TSPAN9: variants seen among roughly 807,000 people sequenced by gnomAD.
TSPAN9 encodes the protein tetraspanin 9.
A neutral mutation model predicts 31.0 loss-of-function variants in TSPAN9; 16 were observed. That is an observed-to-expected ratio of 0.52 (90% confidence interval 0.35 to 0.78). The LOEUF (loss-of-function observed/expected upper bound fraction) is 0.78, where lower values mean the gene tolerates loss of function less well. Among genes scored for constraint, TSPAN9 ranks in the 30% least tolerant of loss-of-function variants. The pLI, the probability that TSPAN9 is intolerant of heterozygous loss-of-function variation, is 0.01. For missense variants in TSPAN9, 272 were observed against 312.5 expected (o/e 0.87, Z 0.98); for synonymous variants, 145 against 121.6 (o/e 1.19, Z -1.27).
At chr12:3,110,361 A>T (rs2098317864) in intron 2 of TSPAN9, among the ~76,000 whole-genome samples, 1 of 152,160 alleles carries the variant, frequency 6.6e-6, no homozygotes, top group African/African-American at 2.4e-5. Context: ...TAATTTACAA[A>T]TTTTTTAAAG....
At position 3,146,538 on chromosome 12, in the gene TSPAN9, G is replaced by A. The variant is rs922132720; in HGVS notation, c.-17-54639G>A. ...TCATGGAATCCAAGATCCGATTGAT[G>A]AAGACAGGCATTAGACAAACAGTTC... On this transcript the variant is annotated intron_variant, in intron 2 of 8. Transcript: ENST00000011898. Among the ~76,000 whole-genome samples, 5 of 152,198 alleles carry A rather than the reference G, an allele frequency of 3.3e-5. No homozygotes were observed. In the East Asian group the frequency reaches 7.7e-4, roughly 23 times the overall value.
chr12:3,184,256 GGC>G (rs1359449539), intron 2 of TSPAN9, among the ~76,000 whole-genome samples: 10 of 152,044 alleles, frequency 6.6e-5, no homozygotes, highest in African/African-American at 2.4e-4. Flanking sequence ...AAATTAGCTG[GGC>G]GTGGTGGTGC....
chr12:3,116,531 A>C (rs1009051222), intron 2 of TSPAN9, among the ~76,000 whole-genome samples: 1 of 152,178 alleles, frequency 6.6e-6, no homozygotes, highest in East Asian at 1.9e-4. Flanking sequence ...GAGGTCACGC[A>C]GCTCGGCAGG....
chr12:3,079,866 G>C (rs1422612231), intron 1 of TSPAN9, among the ~76,000 whole-genome samples: 1 of 151,672 alleles, frequency 6.6e-6, no homozygotes, highest in Non-Finnish European at 1.5e-5. Context: ...CAACTCCTGG[G>C]CTCAAGTGAT....
Position 3,277,287 on chromosome 12 carries a change from G to A in TSPAN9, c.64-1134G>A, listed in dbSNP as rs555600075. 4.9e-4 allele frequency among the ~76,000 whole-genome samples: 75 copies of A among 152,264 alleles called. 1 individual carries two copies. Among genetic ancestry groups the A allele is most frequent in the African/African-American group, 1.6e-3 (66 of 41,534 alleles). On this transcript the variant is annotated intron_variant, in intron 3 of 8. Transcript: ENST00000011898. The stretch of plus-strand genomic sequence containing the variant: ...CTTTCACCCGGCATAGAATGTTCTC[G>A]TCCTCCATCTGCCCCTAGTCCACCC...
intron 3 of TSPAN9, among the ~76,000 whole-genome samples, chr12:3,228,782 A>C (rs1261227343): frequency 6.6e-6 from 1 of 152,190 alleles, no homozygotes; most frequent in Non-Finnish European, 1.5e-5. Context: ...GTGGCTGAAA[A>C]CAACAGAAGT....
rs1345299844 is a variant in TSPAN9 at position 3,285,264 on chromosome 12, T to TGTGGGTGGG, written c.*2158_*2166dup. On this transcript the variant is annotated 3_prime_UTR_variant, in exon 9 of 9. Transcript: ENST00000011898. Reference sequence around the variant, plus strand: ...ACCCGGGGCCTCGTGCGTTTTTTGCTGTGGGTGGGGTGGGTGGGTTGGTTT... The same window carrying TGTGGGTGGG: ...ACCCGGGGCCTCGTGCGTTTTTTGCTGTGGGTGGGGTGGGTGGGGTGGGTGGGTTGGTTT... 3.7e-5 allele frequency: 1 copy of TGTGGGTGGG among 26,728 alleles called. No homozygotes were observed. The highest frequency in any genetic ancestry group is 6.7e-5 in the Non-Finnish European group (1 of 14,958). The allele number at this position is 26,728 out of a possible 1,614,324, so 1.7% of individuals were successfully genotyped here.
At chr12:3,259,818 AC>A (rs1248530055) in intron 3 of TSPAN9, among the ~76,000 whole-genome samples, 1 of 152,150 alleles carries the variant, frequency 6.6e-6, no homozygotes, top group Non-Finnish European at 1.5e-5. Flanking sequence ...GTGAGCAAAA[AC>A]CACTGGAGAA....
chr12:3,158,015 A>G (rs1472942176), intron 2 of TSPAN9, among the ~76,000 whole-genome samples: 1 of 152,178 alleles, frequency 6.6e-6, no homozygotes, highest in Admixed American at 6.5e-5. Flanking sequence ...AAAAAAAGAA[A>G]TGGAAAAGAT....
intron 2 of TSPAN9, among the ~76,000 whole-genome samples, chr12:3,131,052 G>T (rs189289523): frequency 6.6e-6 from 1 of 151,182 alleles, no homozygotes; most frequent in Admixed American, 6.6e-5. Context: ...GCATCTCCTC[G>T]CCTCCTTTGA....
At chr12:3,279,848 T>G (rs1207527946) in intron 5 of TSPAN9, among the ~76,000 whole-genome samples, 1 of 152,200 alleles carries the variant, frequency 6.6e-6, no homozygotes, top group Non-Finnish European at 1.5e-5. Flanking sequence ...TCTTGGCCCT[T>G]TTATGAGAAT....
chr12:3,201,394 G>A (rs1204460400), intron 3 of TSPAN9, 138 bp downstream of exon 3: 7 of 747,460 alleles, frequency 9.4e-6, no homozygotes, highest in Non-Finnish European at 1.5e-5. Context: ...AAAAAAAATT[G>A]CCCCCGCCCC....
chr12:3,243,181 C>T (rs1464250054), intron 3 of TSPAN9, among the ~76,000 whole-genome samples: 3 of 152,162 alleles, frequency 2.0e-5, no homozygotes, highest in East Asian at 1.9e-4. Context: ...GCTTTTCTAC[C>T]GCCTTCCCTG....
intron 2 of TSPAN9, among the ~76,000 whole-genome samples, chr12:3,096,151 A>G (rs2098308705): frequency 6.6e-6 from 1 of 152,182 alleles, no homozygotes; most frequent in Non-Finnish European, 1.5e-5. Context: ...GTAGTTTTAA[A>G]TGTTCAAAAT....
intron 3 of TSPAN9, among the ~76,000 whole-genome samples, chr12:3,224,442 G>A (rs1011435671): frequency 2.0e-5 from 3 of 152,232 alleles, no homozygotes; most frequent in Non-Finnish European, 4.4e-5. Context: ...TCACACACGA[G>A]GAAGCTAGGA....
intron 2 of TSPAN9, among the ~76,000 whole-genome samples, chr12:3,142,941 G>C (rs1440849866): frequency 6.6e-6 from 1 of 152,134 alleles, no homozygotes; most frequent in African/African-American, 2.4e-5. Context: ...TCCGTCCTGC[G>C]ACAGTTCCTT....
intron 3 of TSPAN9, among the ~76,000 whole-genome samples, chr12:3,216,631 C>T (rs960167022): frequency 4.6e-5 from 7 of 152,214 alleles, no homozygotes; most frequent in African/African-American, 1.4e-4. Context: ...GAGGTGGAAC[C>T]CACTGGAACC....
At chr12:3,257,777 A>C (rs643255) in intron 3 of TSPAN9, among the ~76,000 whole-genome samples, 3 of 141,068 alleles carry the variant, frequency 2.1e-5, no homozygotes, top group Admixed American at 7.3e-5. Context: ...CGGGAGGGGT[A>C]GGGGGGCGGC....
intron 2 of TSPAN9, among the ~76,000 whole-genome samples, chr12:3,142,832 T>G (rs11832442): frequency 0.015 from 2,234 of 152,320 alleles, 50 homozygotes; most frequent in African/African-American, 0.051. Flanking sequence ...ATAGCGTTAT[T>G]AACAATAGAT....
Sources: allele counts gnomAD v4.1 joint callset (sites outside exome capture counted in the v4.1 genomes callset), GRCh38; gene constraint gnomAD v4.1.1; transcripts MANE v1.5; gene names NCBI Gene and HGNC (gene_info 2026-07-23, HGNC 2026-07-21).